Variants in MSRA observed in about 807,000 individuals in gnomAD.
MSRA encodes the protein mitochondrial peptide methionine sulfoxide reductase.
In MSRA, 54 loss-of-function variants were observed where a neutral mutation model predicts 31.3. That is an observed-to-expected ratio of 1.73 (90% CI 1.39 to 2.17). The LOEUF is 2.17. MSRA is among the 30% of genes most tolerant of loss of function. The pLI is 0.00. For synonymous variants in MSRA, 169 were observed against 116.5 expected (o/e 1.45, Z -2.90); for missense variants, 507 against 300.9 (o/e 1.69, Z -5.07).
intron 1 of MSRA, chr8:10,096,311 C>G: frequency 9.1e-7 from 1 of 1,100,634 alleles, no homozygotes; most frequent in Non-Finnish European, 1.1e-6. Context: ...GAAGGGCAAA[C>G]AAGAAATGTG....
At chr8:10,088,474 C>T (rs1313110928) in intron 1 of MSRA, among the ~76,000 whole-genome samples, 3 of 152,034 alleles carry the variant, frequency 2.0e-5, no homozygotes, top group Admixed American at 6.5e-5. Context: ...GTGGCTCACA[C>T]CTGTAATCCC....
At chr8:10,360,243 TG>T (rs1804766985) in intron 5 of MSRA, among the ~76,000 whole-genome samples, 1 of 152,182 alleles carries the variant, frequency 6.6e-6, no homozygotes, top group Admixed American at 6.5e-5. Context: ...GATATTTTGG[TG>T]TTTTGTGCCC....
intron 4 of MSRA, 87 bp downstream of exon 4, chr8:10,301,725 C>A: frequency 9.7e-7 from 1 of 1,030,308 alleles, no homozygotes; most frequent in Non-Finnish European, 1.5e-6. Context: ...AGAGATGAAC[C>A]TTGAAATCAC....
At chr8:10,092,220 C>A (rs2128928093) in intron 1 of MSRA, among the ~76,000 whole-genome samples, 1 of 151,674 alleles carries the variant, frequency 6.6e-6, no homozygotes, top group Middle Eastern at 3.4e-3. Flanking sequence ...GTGATTTTTC[C>A]TTTCTTTTTT....
chr8:10,190,153 G>C (rs1161463301), intron 1 of MSRA, among the ~76,000 whole-genome samples: 2 of 152,100 alleles, frequency 1.3e-5, no homozygotes, highest in South Asian at 2.1e-4. Context: ...GGCGCTTTGG[G>C]GGAGGGGGGT....
chr8:10,339,430 G>T (rs1462975409), intron 5 of MSRA, among the ~76,000 whole-genome samples: 1 of 151,246 alleles, frequency 6.6e-6, no homozygotes, highest in Admixed American at 6.6e-5. Context: ...ATGTCAACAT[G>T]TACAGCACAA....
intron 1 of MSRA, among the ~76,000 whole-genome samples, chr8:10,105,801 A>G (rs987049875): frequency 4.6e-5 from 7 of 152,196 alleles, no homozygotes; most frequent in African/African-American, 1.2e-4. Flanking sequence ...GCAATCAAGT[A>G]GCACTTATTC....
In MSRA at chr8:10,428,319, C is replaced by A; in HGVS notation, c.*7C>A. On this transcript the variant is annotated 3_prime_UTR_variant, in exon 6 of 6. Coordinates refer to ENST00000317173, the MANE Select transcript of MSRA (RefSeq NM_012331.5). Reference sequence around the variant, plus strand: ...AGTGGGTATTAAAAAATAATTTCTCCCCACATGGTGGGCCTTTGAGGTTCC... The same window carrying A: ...AGTGGGTATTAAAAAATAATTTCTCACCACATGGTGGGCCTTTGAGGTTCC... The A allele has an allele frequency of 6.2e-7, 1 of 1,611,890 alleles. No individual in the cohort carries two copies. Among genetic ancestry groups the A allele is most frequent in the Non-Finnish European group, 8.5e-7 (1 of 1,179,570 alleles).
intron 3 of MSRA, among the ~76,000 whole-genome samples, chr8:10,266,828 C>T (rs972930939): frequency 6.6e-5 from 10 of 152,008 alleles, no homozygotes; most frequent in African/African-American, 2.2e-4. Context: ...CTTTACCCAC[C>T]GATGGTGACA....
rs149601196 is a variant in MSRA at position 10,330,204 on chromosome 8, T to TACACAC, written c.543+10216_543+10217insCACACA. 4.5e-3 allele frequency among the ~76,000 whole-genome samples: 486 copies of TACACAC among 107,946 alleles called. 6 individuals carry two copies. Among genetic ancestry groups the TACACAC allele is most frequent in the Admixed American group, 0.011 (99 of 8,896 alleles). 70.8% of individuals were successfully genotyped at this position (107,946 alleles called of 152,430 possible). A position where few individuals can be genotyped will look rare whatever the true frequency, so the allele number is the denominator to read the frequency against. On this transcript the variant is annotated intron_variant, in intron 5 of 5. Transcript: ENST00000317173. ...GGTTCATTATAAGAATTAAATGTGA[T>TACACAC]ATACACACACACACACACACACACA...
At chr8:10,250,420 C>G in intron 3 of MSRA, 1 of 702,248 alleles carries the variant, frequency 1.4e-6, no homozygotes, top group Non-Finnish European at 2.6e-6. Flanking sequence ...ATTTTGCTTA[C>G]AGATGTTCAG....
intron 5 of MSRA, among the ~76,000 whole-genome samples, chr8:10,427,924 C>G (rs2129199545): frequency 6.6e-6 from 1 of 152,314 alleles, no homozygotes; most frequent in East Asian, 1.9e-4. Flanking sequence ...ATTTAAAAAT[C>G]TGATATAAAC....
chr8:10,160,907 C>G (rs893413485), intron 1 of MSRA, among the ~76,000 whole-genome samples: 1 of 152,200 alleles, frequency 6.6e-6, no homozygotes, highest in African/African-American at 2.4e-5. Context: ...TACTTATGTT[C>G]TAGAATAAAT....
At chr8:10,411,165 G>A (rs1469964399) in intron 5 of MSRA, 3 of 152,162 alleles carry the variant, frequency 2.0e-5, no homozygotes, top group African/African-American at 7.2e-5. Context: ...AGAGTCCTCC[G>A]AAGACGCCTG....
intron 1 of MSRA, among the ~76,000 whole-genome samples, chr8:10,107,717 T>A (rs544516107): frequency 1.1e-4 from 17 of 152,348 alleles, no homozygotes; most frequent in African/African-American, 4.1e-4. Context: ...ATGCTTATTC[T>A]CCTTCTGAGA....
chr8:10,238,839 A>C (rs1305998191), intron 2 of MSRA, among the ~76,000 whole-genome samples: 2 of 152,316 alleles, frequency 1.3e-5, no homozygotes, highest in East Asian at 3.9e-4. Context: ...TTATCTTTAT[A>C]TATGGATGGA....
At position 10,155,002 on chromosome 8, in the gene MSRA, T is replaced by TTATATATATATATATATA. The variant is rs528753270; in HGVS notation, c.143-52819_143-52818insTATATATATATATATATA. On this transcript the variant is annotated intron_variant, in intron 1 of 5. Transcript: ENST00000317173. The stretch of plus-strand genomic sequence containing the variant: ...AATAGTTTGATAATGTGTATATATT[T>TTATATATATATATATATA]TATATATATATAGGTTTTACCTTGC... Among the ~76,000 whole-genome samples, 35 of 123,990 alleles carry TTATATATATATATATATA rather than the reference T, an allele frequency of 2.8e-4. 3 individuals carry two copies. Among genetic ancestry groups the TTATATATATATATATATA allele is most frequent in the African/African-American group, 9.7e-4 (30 of 30,962 alleles). 81.3% of individuals were successfully genotyped at this position (123,990 alleles called of 152,430 possible).
At chr8:10,248,313 G>C (rs1403150803) in intron 3 of MSRA, among the ~76,000 whole-genome samples, 2 of 152,190 alleles carry the variant, frequency 1.3e-5, no homozygotes, top group African/African-American at 2.4e-5. Context: ...TCATAAAGCG[G>C]TATGCTTGAG....
At chr8:10,236,306 G>C (rs979119663) in intron 2 of MSRA, among the ~76,000 whole-genome samples, 1 of 152,130 alleles carries the variant, frequency 6.6e-6, no homozygotes, top group Non-Finnish European at 1.5e-5. Flanking sequence ...GGGAGAGGGA[G>C]ACAGAAAACT....
Sources: gnomAD v4.1 joint callset for allele counts (sites outside exome capture counted in the v4.1 genomes callset) on GRCh38, gnomAD v4.1.1 for gene constraint, MANE v1.5 for transcripts, NCBI Gene and HGNC (gene_info 2026-07-23, HGNC 2026-07-21) for gene names.